GALNT17: variants seen among roughly 807,000 people sequenced by gnomAD.
The protein encoded by GALNT17 is UDP-GalNAc:polypeptide N-acetylgalactosaminyltransferase-like 3.
GALNT17 carries 29 observed loss-of-function variants against 63.7 expected under a neutral mutation model. That is an observed-to-expected ratio of 0.46 (90% CI 0.34 to 0.62). The LOEUF (loss-of-function observed/expected upper bound fraction) is 0.62, where lower values mean the gene tolerates loss of function less well. Among genes scored for constraint, GALNT17 ranks in the 20% least tolerant of loss-of-function variants. GALNT17 has a pLI of 0.01. For synonymous variants in GALNT17, 305 were observed against 318.3 expected, an observed-to-expected ratio of 0.96 and a Z score of 0.45; for missense variants, 603 against 799.6, an observed-to-expected ratio of 0.75 and a Z score of 2.97.
In GALNT17 at chr7:71,132,589, C is replaced by T. The variant is rs1238957288; in HGVS notation, c.-214C>T. On this transcript the variant is annotated 5_prime_UTR_variant, in exon 1 of 11. Coordinates refer to ENST00000333538, the MANE Select transcript of GALNT17 (RefSeq NM_022479.3). ...CGTCTCGGGGAGCACTTCTGCAGAG[C>T]GAGGACTTCCATGTGAGCGATTCCG... 1.1e-5 allele frequency: 6 copies of T among 556,948 alleles called. No homozygotes were observed. The highest frequency in any genetic ancestry group is 1.9e-5 in the Non-Finnish European group (6 of 316,134). 34.5% of individuals were successfully genotyped at this position (556,948 alleles called of 1,614,324 possible). A position where few individuals can be genotyped will look rare whatever the true frequency, so the allele number is the denominator to read the frequency against.
intron 6 of GALNT17, among the ~76,000 whole-genome samples, chr7:71,610,114 G>A (rs766594495): frequency 3.3e-5 from 5 of 151,788 alleles, no homozygotes; most frequent in East Asian, 1.9e-4. Context: ...CTTATTCTCC[G>A]ATCACAATAT....
rs1554338085 is a variant in GALNT17 at position 71,201,241 on chromosome 7, T to TATATATATATA, written c.238+68201_238+68202insATATATATATA. ...TGTATGGGGGTGTGTGTGTTTATTT[T>TATATATATATA]TATATATATATATATAATTTGTGTG... is the stretch of plus-strand genomic sequence containing the variant. On this transcript the variant is annotated intron_variant, in intron 1 of 10. Coordinates refer to ENST00000333538, the MANE Select transcript of GALNT17 (RefSeq NM_022479.3). Among the ~76,000 whole-genome samples the TATATATATATA allele has an allele frequency of 1.7e-3, 234 of 138,428 alleles. 2 individuals are homozygous for TATATATATATA. Among genetic ancestry groups the TATATATATATA allele is most frequent in the African/African-American group, 4.8e-3 (169 of 35,426 alleles). 90.8% of individuals were successfully genotyped at this position (138,428 alleles called of 152,430 possible). A position where few individuals can be genotyped will look rare whatever the true frequency, so the allele number is the denominator to read the frequency against.
At chr7:71,295,468 C>G (rs945243682) in intron 1 of GALNT17, among the ~76,000 whole-genome samples, 6 of 151,910 alleles carry the variant, frequency 3.9e-5, no homozygotes, top group African/African-American at 1.5e-4. Context: ...CTCTCTGTCT[C>G]TCTTTGTTTC....
intron 8 of GALNT17, among the ~76,000 whole-genome samples, chr7:71,672,217 G>A (rs1038807877): frequency 1.6e-4 from 24 of 152,110 alleles, no homozygotes; most frequent in African/African-American, 5.8e-4. Context: ...TAAGACAATT[G>A]GCTCAATTGC....
intron 5 of GALNT17, among the ~76,000 whole-genome samples, chr7:71,440,453 C>T (rs1049990878): frequency 1.3e-5 from 2 of 150,592 alleles, no homozygotes; most frequent in East Asian, 2.0e-4. Context: ...CAGCTCACTG[C>T]GACCTCCGAA....
chr7:71,586,679 GT>G (rs79434130), intron 6 of GALNT17, among the ~76,000 whole-genome samples: 38,575 of 144,946 alleles, frequency 0.27, 4,973 homozygotes, highest in Admixed American at 0.28. Flanking sequence ...ACCTAGTAGG[GT>G]TTTTTTTTTT....
chr7:71,234,618 T>A (rs1160896771), intron 1 of GALNT17, among the ~76,000 whole-genome samples: 1 of 152,058 alleles, frequency 6.6e-6, no homozygotes, highest in Admixed American at 6.6e-5. Flanking sequence ...GTAGGGTGAA[T>A]GGAGGGAAAC....
intron 1 of GALNT17, chr7:71,300,275 AAG>A (rs1791170357): frequency 6.5e-6 from 2 of 305,722 alleles, no homozygotes; most frequent in Middle Eastern, 9.6e-4. Flanking sequence ...GCTTTCATGA[AAG>A]AGAGGAAATG....
chr7:71,446,386 A>G (rs1262526901), intron 5 of GALNT17, among the ~76,000 whole-genome samples: 2 of 152,164 alleles, frequency 1.3e-5, no homozygotes, highest in African/African-American at 4.8e-5. Flanking sequence ...ACCATAACCA[A>G]TGTTAATATT....
chr7:71,446,980 T>A (rs557274149), intron 5 of GALNT17, among the ~76,000 whole-genome samples: 2 of 152,220 alleles, frequency 1.3e-5, no homozygotes, highest in African/African-American at 4.8e-5. Context: ...TTAACTGTTA[T>A]TCACTCACCC....
intron 9 of GALNT17, among the ~76,000 whole-genome samples, chr7:71,702,796 A>G (rs1791671034): frequency 6.6e-6 from 1 of 152,128 alleles, no homozygotes; most frequent in African/African-American, 2.4e-5. Flanking sequence ...TGATTTGCTA[A>G]TGGATTGAAT....
intron 5 of GALNT17, among the ~76,000 whole-genome samples, chr7:71,465,384 A>G (rs1787518745): frequency 6.6e-6 from 1 of 152,220 alleles, no homozygotes; most frequent in African/African-American, 2.4e-5. Flanking sequence ...TGTCAGAGGC[A>G]AAATAGAGTC....
intron 1 of GALNT17, among the ~76,000 whole-genome samples, chr7:71,191,887 A>G (rs1378312169): frequency 6.6e-6 from 1 of 152,248 alleles, no homozygotes; most frequent in African/African-American, 2.4e-5. Context: ...AAGGGGGCTT[A>G]TAAGGAGAAT....
chr7:71,360,870 G>A (rs994267405), intron 2 of GALNT17, among the ~76,000 whole-genome samples: 12 of 152,282 alleles, frequency 7.9e-5, no homozygotes, highest in South Asian at 2.1e-4. Context: ...CCCGGGAGGC[G>A]GAGGTTGCAG....
intron 1 of GALNT17, among the ~76,000 whole-genome samples, chr7:71,231,133 G>A (rs1789780611): frequency 6.6e-6 from 1 of 152,166 alleles, no homozygotes; most frequent in South Asian, 2.1e-4. Flanking sequence ...GGTGATCTAA[G>A]CTTTAAATTC....
chr7:71,201,057 T>G (rs1174858557), intron 1 of GALNT17, among the ~76,000 whole-genome samples: 2 of 151,926 alleles, frequency 1.3e-5, no homozygotes, highest in East Asian at 3.9e-4. Flanking sequence ...GGTTTTTCTT[T>G]GTTTTTCTAA....
rs189302928 is a variant in GALNT17 at position 71,575,967 on chromosome 7, T to C, written c.1080+4565T>C. ...GAGATGGAAATTGAAAGGTTTCATC[T>C]TGTTCTGAGTAATAGTAATCAGAAA... On this transcript the variant is annotated intron_variant, in intron 6 of 10. Transcript: ENST00000333538. Among the ~76,000 whole-genome samples the C allele has an allele frequency of 1.5e-3, 221 of 152,326 alleles. 1 individual carries two copies. Among genetic ancestry groups the C allele is most frequent in the Non-Finnish European group, 2.6e-3 (178 of 68,026 alleles).
At chr7:71,648,045 C>T (rs1790705183) in intron 6 of GALNT17, among the ~76,000 whole-genome samples, 1 of 152,214 alleles carries the variant, frequency 6.6e-6, no homozygotes, top group Non-Finnish European at 1.5e-5. Flanking sequence ...TGGGTCCTCA[C>T]AGTCATTATC....
At chr7:71,466,291 A>G (rs1333120782) in intron 5 of GALNT17, among the ~76,000 whole-genome samples, 1 of 152,212 alleles carries the variant, frequency 6.6e-6, no homozygotes, top group Non-Finnish European at 1.5e-5. Context: ...GAGGGGTCAG[A>G]TATGCCTCAT....
Sources: allele counts gnomAD v4.1 joint callset (sites outside exome capture counted in the v4.1 genomes callset), GRCh38; gene constraint gnomAD v4.1.1; transcripts MANE v1.5; gene names NCBI Gene and HGNC (gene_info 2026-07-23, HGNC 2026-07-21).